Variants in DAB2 observed in about 807,000 individuals in gnomAD.
DAB2 encodes DAB adaptor protein 2, also known as disabled homolog 2.
Under a neutral mutation model 71.6 loss-of-function variants are expected in DAB2, and 28 were observed. That is an observed-to-expected ratio of 0.39 (90% CI 0.29 to 0.54). DAB2 has a LOEUF of 0.54. DAB2 is among the 20% of genes least tolerant of loss of function. The pLI is 0.68. For synonymous variants in DAB2, 345 were observed against 339.7 expected (o/e 1.02, Z -0.17); for missense variants, 867 against 928.8 (o/e 0.93, Z 0.86).
chr5:39,390,010 CA>C lies in DAB2; in HGVS notation c.463-79del, dbSNP rs1358045076. ...CCTTTGTCTGCTATCAATTATAATT[CA>C]TACTGGGATTTTTTTTTTAATCTTA... On this transcript the variant is annotated intron_variant, in intron 5 of 14. Coordinates refer to ENST00000320816, the MANE Select transcript of DAB2 (RefSeq NM_001343.4). 3.4e-5 allele frequency: 36 copies of C among 1,074,272 alleles called. No individual in the cohort carries two copies. The African/African-American group carries it at 5.9e-4, about 18-fold the overall frequency. 66.5% of individuals were successfully genotyped at this position (1,074,272 alleles called of 1,614,324 possible).
chr5:39,411,895 G>A (rs1468048970), intron 1 of DAB2, among the ~76,000 whole-genome samples: 4 of 151,964 alleles, frequency 2.6e-5, no homozygotes, highest in African/African-American at 2.4e-5. Context: ...TACTACAGAA[G>A]CATATGAACA....
At position 39,383,308 on chromosome 5, in the gene DAB2, G is replaced by C. The variant is rs770816822; in HGVS notation, c.688-37C>G. On this transcript the variant is annotated intron_variant, in intron 9 of 14. Coordinates refer to ENST00000320816, the MANE Select transcript of DAB2 (RefSeq NM_001343.4). ...GGAAAGAAAAAAAAAGAAAGTGTTAGTCCATGTTGTGACTTCAAATGAGAA... is the reference window on the plus strand; with the variant it reads ...GGAAAGAAAAAAAAAGAAAGTGTTACTCCATGTTGTGACTTCAAATGAGAA... The C allele has an allele frequency of 1.1e-5, 17 of 1,480,330 alleles. 1 individual carries two copies. The South Asian group carries it at 2.1e-4, about 18-fold the overall frequency. 91.7% of individuals were successfully genotyped at this position (1,480,330 alleles called of 1,614,324 possible).
At chr5:39,381,692 C>A in intron 10 of DAB2, 76 bp from the exon 11 acceptor site, 2 of 1,501,970 alleles carry the variant, frequency 1.3e-6, no homozygotes, top group South Asian at 2.5e-5. Flanking sequence ...TGTCTCCTAC[C>A]CTATACCCCA....
chr5:39,401,027 C>G (rs1031280903), intron 1 of DAB2, among the ~76,000 whole-genome samples: 1 of 152,196 alleles, frequency 6.6e-6, no homozygotes, highest in African/African-American at 2.4e-5. Flanking sequence ...GGGGTCATTA[C>G]CAGCGATGCT....
intron 1 of DAB2, among the ~76,000 whole-genome samples, chr5:39,399,522 A>G (rs1181544143): frequency 6.6e-6 from 1 of 152,248 alleles, no homozygotes; most frequent in African/African-American, 2.4e-5. Flanking sequence ...AAACTCTGCT[A>G]TATGAATAAA....
chr5:39,376,782 G>C lies in DAB2; in HGVS notation c.2005C>G (p.Arg669Gly), dbSNP rs200943679. 5 of 1,613,944 alleles carry C rather than the reference G, an allele frequency of 3.1e-6. No individual in the cohort carries two copies. The East Asian group carries it at 1.1e-4, about 36-fold the overall frequency. Residue 669 changes from arginine (R) to glycine (G), a missense_variant, in exon 12 of 15, where the codon CGG becomes GGG. Physicochemically the swap from Arg to Gly is moderately radical, Grantham distance 125. This residue lies in a region of DAB2 where 740 missense variants were observed against 734.3 expected (regional missense o/e 1.01). Coordinates refer to ENST00000320816, the MANE Select transcript of DAB2 (RefSeq NM_001343.4). ...QLRQPPAVPA[R>G]KGEQTSSGTL... ...CCAGAAGAAGTCTGCTCTCCCTTCC[G>C]CGCGGGCACAGCAGGTGGCTGCCGC... is the stretch of plus-strand genomic sequence containing the variant.
At chr5:39,379,336 C>G (rs10073295) in intron 11 of DAB2, among the ~76,000 whole-genome samples, 2 of 149,754 alleles carry the variant, frequency 1.3e-5, no homozygotes, top group African/African-American at 4.9e-5. Flanking sequence ...GCCTGTAATC[C>G]CAGCTACTAG....
intron 1 of DAB2, among the ~76,000 whole-genome samples, chr5:39,401,258 G>A (rs1041321580): frequency 6.6e-6 from 1 of 151,996 alleles, no homozygotes; most frequent in Admixed American, 6.5e-5. Flanking sequence ...ACTACTGTAG[G>A]GGCCTCACTA....
intron 3 of DAB2, among the ~76,000 whole-genome samples, chr5:39,392,856 A>G (rs1476568528): frequency 6.6e-6 from 1 of 152,240 alleles, no homozygotes; most frequent in Non-Finnish European, 1.5e-5. Context: ...AGGAACACCA[A>G]TGTCTAAGTA....
rs773083361 is a variant in DAB2, at chr5:39,383,093, G to A, written c.866C>T (p.Thr289Ile). The change falls in exon 10 of 15, where the codon ACC (threonine) becomes ATC (isoleucine). Residue 289 changes from threonine (T) to isoleucine (I), a missense_variant. Around this residue, in one of 2 missense-constraint regions of DAB2, gnomAD observed 740 missense variants for 734.3 expected, o/e 1.01. Transcript: ENST00000320816. ...AFSANLNFFP[T>I]PNPDPFRDDP... ...GTCACGGAAAGGATCAGGATTAGGG[G>A]TGGGAAAGAAGTTGAGATTGGCAGA... The A allele has an allele frequency of 4.3e-6, 7 of 1,614,152 alleles. No individual in the cohort carries two copies. The East Asian group carries it at 6.7e-5, about 15-fold the overall frequency.
chr5:39,396,012 G>A (rs2548565), intron 1 of DAB2, among the ~76,000 whole-genome samples: 137,500 of 145,052 alleles, frequency 0.95, 65,516 homozygotes, highest in African/African-American at 0.99. Context: ...GCACGATTTC[G>A]GCCCACTGCA....
intron 1 of DAB2, among the ~76,000 whole-genome samples, chr5:39,414,751 A>G (rs1046298890): frequency 2.6e-5 from 4 of 152,092 alleles, no homozygotes; most frequent in Non-Finnish European, 5.9e-5. Flanking sequence ...ACTTATACCA[A>G]CAGATGATAA....
At chr5:39,412,123 G>A (rs1755745267) in intron 1 of DAB2, among the ~76,000 whole-genome samples, 1 of 151,972 alleles carries the variant, frequency 6.6e-6, no homozygotes, top group African/African-American at 2.4e-5. Context: ...ATTCCCTTAA[G>A]GGGGAAAAAA....
chr5:39,412,416 T>G (rs555433855), intron 1 of DAB2, among the ~76,000 whole-genome samples: 1 of 152,178 alleles, frequency 6.6e-6, no homozygotes, highest in African/African-American at 2.4e-5. Flanking sequence ...AGTTAATTCA[T>G]GTAATCAAAA....
chr5:39,382,841 G>T lies in DAB2; in HGVS notation c.1118C>A (p.Pro373Gln), dbSNP rs1478914911. 2 of 1,614,102 alleles carry T rather than the reference G, an allele frequency of 1.2e-6. No individual in the cohort carries two copies. The highest frequency in any genetic ancestry group is 2.2e-5 in the South Asian group (2 of 91,078). The change falls in exon 10 of 15, where the codon CCA becomes CAA. Residue 373 changes from proline to glutamine, a missense_variant. Pro to Gln is a moderately conservative substitution (Grantham distance 76). Around this residue, in one of 2 missense-constraint regions of DAB2, gnomAD observed 740 missense variants for 734.3 expected, o/e 1.01. Transcript: ENST00000320816. ...TACCCCATTTTGAGTTCTCACTGCT[G>T]GCTGGGTTTGCGAACTTGAAAAGGG... Reference protein sequence around the residue: ...PWPFSSSQTQPAVRTQNGVSE... With the variant: ...PWPFSSSQTQQAVRTQNGVSE...
intron 11 of DAB2, among the ~76,000 whole-genome samples, chr5:39,381,161 T>A (rs1299542206): frequency 6.6e-6 from 1 of 152,134 alleles, no homozygotes; most frequent in African/African-American, 2.4e-5. Context: ...CTGGTCTGAG[T>A]TTAGAATCCC....
At position 39,382,842 on chromosome 5, in the gene DAB2, G is replaced by A. The variant is rs1221130006; in HGVS notation, c.1117C>T (p.Pro373Ser). 1 of 1,613,996 alleles carries A rather than the reference G, an allele frequency of 6.2e-7. No homozygotes were observed. The highest frequency in any genetic ancestry group is 2.2e-5 in the East Asian group (1 of 44,886). The change falls in exon 10 of 15, where the codon CCA becomes TCA. Residue 373 changes from proline (P) to serine (S), a missense_variant. Coordinates refer to ENST00000320816, the MANE Select transcript of DAB2 (RefSeq NM_001343.4). Reference sequence around the variant, plus strand: ...ACCCCATTTTGAGTTCTCACTGCTGGCTGGGTTTGCGAACTTGAAAAGGGC... The same window carrying A: ...ACCCCATTTTGAGTTCTCACTGCTGACTGGGTTTGCGAACTTGAAAAGGGC... ...PWPFSSSQTQ[P>S]AVRTQNGVSE...
In DAB2 at chr5:39,374,098, C is replaced by T. The variant is rs141969793; in HGVS notation, c.*6-673G>A. Among the ~76,000 whole-genome samples, 463 of 152,070 alleles carry T rather than the reference C, an allele frequency of 3.0e-3. 5 individuals carry two copies. Among genetic ancestry groups the T allele is most frequent in the African/African-American group, 9.9e-3 (411 of 41,500 alleles). On this transcript the variant is annotated intron_variant, in intron 14 of 14. Coordinates refer to ENST00000320816, the MANE Select transcript of DAB2 (RefSeq NM_001343.4). The stretch of plus-strand genomic sequence containing the variant: ...AAGCTCAATCTTATTGTTTTCGCCA[C>T]GTTTAAGATATCTATCTATTAAAAA...
chr5:39,386,206 C>T (rs1755096356), intron 9 of DAB2, among the ~76,000 whole-genome samples: 1 of 152,116 alleles, frequency 6.6e-6, no homozygotes, highest in South Asian at 2.1e-4. Flanking sequence ...GCTCAAGGGG[C>T]TTGCCAATAA....
Sources: allele counts gnomAD v4.1 joint callset (sites outside exome capture counted in the v4.1 genomes callset), GRCh38; gene constraint gnomAD v4.1.1; regional missense constraint gnomAD v4.1.1; transcripts MANE v1.5; gene names NCBI Gene and HGNC (gene_info 2026-07-23, HGNC 2026-07-21).